The following MCTS1 variants were observed in gnomAD, a reference collection of about 807,000 sequenced individuals.
MCTS1 encodes MCTS1 re-initiation and release factor.
For missense variants in MCTS1, 55 were observed against 128.6 expected (o/e 0.43, Z 2.77); for synonymous variants, 26 against 40.8 (o/e 0.64, Z 1.38).
rs10563395 is a variant in MCTS1 at position 120,612,660 on chromosome X, CGTGT to C, written c.*419_*422del. On this transcript the variant is annotated 3_prime_UTR_variant, in exon 6 of 6. Coordinates refer to ENST00000371317, the MANE Select transcript of MCTS1 (RefSeq NM_014060.3). ...CAGGGGACCCAGCAGTGCTCATTCTCGTGTGTGTGTGTGTGTGTGTGTGTGTATG... is the reference window on the plus strand; with the variant it reads ...CAGGGGACCCAGCAGTGCTCATTCTCGTGTGTGTGTGTGTGTGTGTGTATG... Among the ~76,000 whole-genome samples, 483 of 97,211 alleles carry C rather than the reference CGTGT, an allele frequency of 5.0e-3. 3 individuals are homozygous for C. The highest frequency in any genetic ancestry group is 7.8e-3 in the Admixed American group (68 of 8,721). 84.4% of individuals were successfully genotyped at this position (97,211 alleles called of 115,157 possible).
chrX:120,610,470 G>T (rs1462031610), intron 4 of MCTS1, among the ~76,000 whole-genome samples: 4 of 111,522 alleles, frequency 3.6e-5, no homozygotes, highest in Non-Finnish European at 1.9e-5. Flanking sequence ...AAAATTAGCT[G>T]GGTGTGGTGG....
Position 120,608,777 on chromosome X carries a change from A to C in MCTS1, c.396+419A>C, listed in dbSNP as rs955319956. ...CATACGTTGGAGTGAAAGCTCTCAA[A>C]AGGGAAAAGAATTTAGGCACCAGGT... On this transcript the variant is annotated intron_variant, in intron 4 of 5. Coordinates refer to ENST00000371317, the MANE Select transcript of MCTS1 (RefSeq NM_014060.3). 9.8e-5 allele frequency among the ~76,000 whole-genome samples: 11 copies of C among 112,350 alleles called. No individual in the cohort carries two copies. The East Asian group carries it at 1.4e-3, about 14-fold the overall frequency.
intron 3 of MCTS1, among the ~76,000 whole-genome samples, chrX:120,606,784 C>CTAAA (rs1926547858): frequency 2.6e-5 from 1 of 38,516 alleles, no homozygotes; most frequent in Non-Finnish European, 4.6e-5. Flanking sequence ...GACTTAGTCT[C>CTAAA]AAAAAAAAAA....
Position 120,612,423 on chromosome X carries a change from A to G in MCTS1, c.*159A>G. ...TTCAGAAATTATTTTAAGTTTTCTT[A>G]AACTCAAGTTAAAATTGGGTAGCAA... On this transcript the variant is annotated 3_prime_UTR_variant, in exon 6 of 6. Coordinates refer to ENST00000371317, the MANE Select transcript of MCTS1 (RefSeq NM_014060.3). 1 of 439,420 alleles carries G rather than the reference A, an allele frequency of 2.3e-6. No individual in the cohort carries two copies. Among genetic ancestry groups the G allele is most frequent in the Non-Finnish European group, 3.9e-6 (1 of 258,566 alleles). 36.2% of individuals were successfully genotyped at this position (439,420 alleles called of 1,213,427 possible).
rs2147380484 is a variant in MCTS1, at chrX:120,620,867, T to G, written c.*8603T>G. ...AAAATCAGAAAAATAAATACAACTT[T>G]TAGAAGAAACTAAGTTTTCTCCCAT... On this transcript the variant is annotated 3_prime_UTR_variant, in exon 6 of 6. Transcript: ENST00000371317. 9.0e-6 allele frequency: 1 copy of G among 111,441 alleles called. No homozygotes were observed. Among genetic ancestry groups the G allele is most frequent in the South Asian group, 3.7e-4 (1 of 2,684 alleles). 9.2% of individuals were successfully genotyped at this position (111,441 alleles called of 1,213,427 possible).
At chrX:120,607,150 C>T (rs1490806723) in intron 3 of MCTS1, among the ~76,000 whole-genome samples, 4 of 110,694 alleles carry the variant, frequency 3.6e-5, no homozygotes, top group Admixed American at 2.9e-4. Flanking sequence ...ATTGATACGT[C>T]ATAGCTGTAC....
At chrX:120,610,458 C>G (rs1197301046) in intron 4 of MCTS1, among the ~76,000 whole-genome samples, 1 of 111,239 alleles carries the variant, frequency 9.0e-6, no homozygotes, top group East Asian at 2.8e-4. Context: ...ACTAAAAATA[C>G]AAAAATTAGC....
Position 120,612,313 on chromosome X carries a change from T to C in MCTS1, c.*49T>C, listed in dbSNP as rs1926707041. 10 of 933,896 alleles carry C rather than the reference T, an allele frequency of 1.1e-5. No individual in the cohort carries two copies. Among genetic ancestry groups the C allele is most frequent in the Middle Eastern group, 2.7e-4 (1 of 3,707 alleles). 77.0% of individuals were successfully genotyped at this position (933,896 alleles called of 1,213,427 possible). The stretch of plus-strand genomic sequence containing the variant: ...CTAAATATGGATATTGTGCTGTATC[T>C]GTGTTTGTGTCTGTGTGTGACAGCA... On this transcript the variant is annotated 3_prime_UTR_variant, in exon 6 of 6. Transcript: ENST00000371317.
rs1224135936 is a variant in MCTS1 at position 120,620,973 on chromosome X, C to G, written c.*8709C>G. The G allele has an allele frequency of 4.5e-5, 5 of 111,492 alleles. No individual in the cohort carries two copies. The highest frequency in any genetic ancestry group is 7.5e-5 in the Non-Finnish European group (4 of 53,163). The allele number at this position is 111,492 out of a possible 1,213,427, so 9.2% of individuals were successfully genotyped here. A position where few individuals can be genotyped will look rare whatever the true frequency, so the allele number is the denominator to read the frequency against. ...TCTAATATGGTAGCCTCTGCCCATC[C>G]ATATGTGGCCACTGAGAACTTGAAA... On this transcript the variant is annotated 3_prime_UTR_variant, in exon 6 of 6. Coordinates refer to ENST00000371317, the MANE Select transcript of MCTS1 (RefSeq NM_014060.3).
intron 4 of MCTS1, 29 bp from the exon 5 acceptor site, chrX:120,610,982 A>C (rs762728252): frequency 8.3e-7 from 1 of 1,197,945 alleles, no homozygotes; most frequent in Non-Finnish European, 1.1e-6. Flanking sequence ...GCATTTTGAT[A>C]AATAGTTTTC....
chrX:120,605,333 G>C, intron 1 of MCTS1, 74 bp from the exon 2 acceptor site: 1 of 932,933 alleles, frequency 1.1e-6, no homozygotes, highest in East Asian at 3.3e-5. Flanking sequence ...TGACTAATTA[G>C]AACAGTACCT....
In MCTS1 at chrX:120,619,581, G is replaced by T. The variant is rs1926956055; in HGVS notation, c.*7317G>T. Among the ~76,000 whole-genome samples, 1 of 110,208 alleles carries T rather than the reference G, an allele frequency of 9.1e-6. No individual in the cohort carries two copies. Among genetic ancestry groups the T allele is most frequent in the South Asian group, 3.9e-4 (1 of 2,571 alleles). On this transcript the variant is annotated 3_prime_UTR_variant, in exon 6 of 6. Transcript: ENST00000371317. ...AAGTCTCCTTGTCTGCAAATCCTGTGTTTTGCAGAAAACTCTCCTCTTGTA... is the reference window on the plus strand; with the variant it reads ...AAGTCTCCTTGTCTGCAAATCCTGTTTTTTGCAGAAAACTCTCCTCTTGTA...
chrX:120,617,255 G>A lies in MCTS1; in HGVS notation c.*4991G>A, dbSNP rs1926881924. Among the ~76,000 whole-genome samples, 2 of 111,977 alleles carry A rather than the reference G, an allele frequency of 1.8e-5. No homozygotes were observed. Among genetic ancestry groups the A allele is most frequent in the Admixed American group, 1.9e-4 (2 of 10,531 alleles). On this transcript the variant is annotated 3_prime_UTR_variant, in exon 6 of 6. Coordinates refer to ENST00000371317, the MANE Select transcript of MCTS1 (RefSeq NM_014060.3). ...TGCCCAGGCTGGAGTGCAATGGCACGATCTCGGCTCACTGCAACCTCTGTC... is the reference window on the plus strand; with the variant it reads ...TGCCCAGGCTGGAGTGCAATGGCACAATCTCGGCTCACTGCAACCTCTGTC...
chrX:120,610,482 A>C (rs1341667166), intron 4 of MCTS1, among the ~76,000 whole-genome samples: 1 of 111,361 alleles, frequency 9.0e-6, no homozygotes, highest in Non-Finnish European at 1.9e-5. Flanking sequence ...GTGTGGTGGC[A>C]CACGCCTGTA....
intron 1 of MCTS1, chrX:120,604,798 A>T: frequency 8.8e-7 from 1 of 1,134,974 alleles, no homozygotes; most frequent in South Asian, 2.1e-5. Flanking sequence ...TTCCTTGGGA[A>T]CCTACTAGTG....
intron 5 of MCTS1, among the ~76,000 whole-genome samples, chrX:120,611,775 T>A (rs997439394): frequency 3.6e-5 from 4 of 112,410 alleles, no homozygotes; most frequent in Non-Finnish European, 7.5e-5. Flanking sequence ...GTATCTTATA[T>A]CCTGACCTGG....
Position 120,606,122 on chromosome X carries a change from T to C in MCTS1, c.208T>C (p.Phe70Leu), listed in dbSNP as rs368656330. 1 of 1,172,200 alleles carries C rather than the reference T, an allele frequency of 8.5e-7. No individual in the cohort carries two copies. Residue 70 changes from phenylalanine to leucine, a missense_variant, in exon 3 of 6, where the codon TTT becomes CTT. Coordinates refer to ENST00000371317, the MANE Select transcript of MCTS1 (RefSeq NM_014060.3). The stretch of plus-strand genomic sequence containing the variant: ...CCTTACAGTAAATGGAGAATTACTC[T>C]TTTTTAGACAAAGAGAAGGGCCTTT... Reference protein sequence around the residue: ...EILTVNGELLFFRQREGPFYP... With the variant: ...EILTVNGELLLFRQREGPFYP...
At chrX:120,604,409 C>A in intron 1 of MCTS1, 162 bp downstream of exon 1, 1 of 665,059 alleles carries the variant, frequency 1.5e-6, no homozygotes, top group Non-Finnish European at 2.2e-6. Context: ...AACTTGAACA[C>A]TTCTTTAAGC....
At chrX:120,605,369 G>C (rs778479780) in intron 1 of MCTS1, 38 bp from the exon 2 acceptor site, 1 of 1,136,530 alleles carries the variant, frequency 8.8e-7, no homozygotes, top group East Asian at 3.2e-5. Flanking sequence ...CCTCTACTTA[G>C]AAATGCCTTT....
Sources: gnomAD v4.1 joint callset for allele counts (sites outside exome capture counted in the v4.1 genomes callset) on GRCh38, gnomAD v4.1.1 for gene constraint, MANE v1.5 for transcripts, NCBI Gene and HGNC (gene_info 2026-07-23, HGNC 2026-07-21) for gene names.